Variants in FER1L5 observed in about 807,000 individuals in gnomAD.
FER1L5 encodes fer-1 like family member 5.
FER1L5 carries 187 observed loss-of-function variants against 279.9 expected under a neutral mutation model. The observed-to-expected ratio is 0.67, with a 90% CI of 0.59 to 0.75. FER1L5 has a LOEUF of 0.75. FER1L5 is among the 30% of genes least tolerant of loss of function. The pLI is 0.00. For missense variants in FER1L5, 2,091 were observed against 2,594.4 expected (o/e 0.81, Z 4.21); for synonymous variants, 921 against 989.7 (o/e 0.93, Z 1.30).
chr2:96,652,108 G>A, intron 7 of FER1L5, 88 bp downstream of exon 7: 1 of 1,525,026 alleles, frequency 6.6e-7, no homozygotes, highest in Non-Finnish European at 8.9e-7. Context: ...CCTTGACTAG[G>A]GTGTCTTCAT....
rs957693990 is a variant in FER1L5, at chr2:96,647,144, A to G, written c.219A>G (p.Gln73=). The G allele has an allele frequency of 4.5e-6, 7 of 1,551,446 alleles. No individual in the cohort carries two copies. The Admixed American group carries it at 1.2e-4, about 26-fold the overall frequency. ...LQVTLQDMGS[Q]KKERFIGLAT... is the part of the protein sequence containing the mutation. ...TCACCCTTCAGGACATGGGCTCACA[A>G]AAGAAAGAAAGGTGAGGCAGAGAGA... is the stretch of plus-strand genomic sequence containing the variant. Residue 73 remains glutamine, a synonymous_variant, in exon 3 of 53, where the codon CAA becomes CAG. Coordinates refer to ENST00000624922, the MANE Select transcript of FER1L5 (RefSeq NM_001293083.2).
In FER1L5 at chr2:96,686,011, GCCT is replaced by G. The variant is rs750801790; in HGVS notation, c.1974_1976del (p.Leu659del). On this transcript the variant is annotated inframe_deletion, in exon 22 of 53. Coordinates refer to ENST00000624922, the MANE Select transcript of FER1L5 (RefSeq NM_001293083.2). ...GACAGGAAGAGGTGGCAGCTCCGCA[GCCT>G]CCTCCTGCAGGAACTGGCCCAAAAG... The G allele has an allele frequency of 2.6e-6, 4 of 1,551,524 alleles. No individual in the cohort carries two copies. The highest frequency in any genetic ancestry group is 3.5e-6 in the Non-Finnish European group (4 of 1,146,980).
rs368217243 is a variant in FER1L5 at position 96,686,106 on chromosome 2, G to A, written c.2062G>A (p.Val688Met). Residue 688 changes from valine (V) to methionine (M), a missense_variant, in exon 22 of 53, where the codon GTG becomes ATG. Coordinates refer to ENST00000624922, the MANE Select transcript of FER1L5 (RefSeq NM_001293083.2). ...GGACTGGCTGTACCGCCTCAACACCGTGCTCCCTGAGGTGGGTGCTGCACA... is the reference window on the plus strand; with the variant it reads ...GGACTGGCTGTACCGCCTCAACACCATGCTCCCTGAGGTGGGTGCTGCACA... ...AEDWLYRLNT[V>M]LPEPQMGLPD... is the part of the protein sequence containing the mutation. 14 of 1,550,630 alleles carry A rather than the reference G, an allele frequency of 9.0e-6. No individual in the cohort carries two copies. The highest frequency in any genetic ancestry group is 1.2e-5 in the South Asian group (1 of 83,954).
chr2:96,644,567 G>A (rs1038113911), intron 1 of FER1L5, among the ~76,000 whole-genome samples: 3 of 152,136 alleles, frequency 2.0e-5, no homozygotes, highest in Non-Finnish European at 4.4e-5. Context: ...GGAGATACAG[G>A]ACGGTGGATA....
At chr2:96,659,290 T>TGCCTGCCTGCCTTCC (rs2075732527) in intron 9 of FER1L5, among the ~76,000 whole-genome samples, 11 of 81,030 alleles carry the variant, frequency 1.4e-4, no homozygotes, top group African/African-American at 4.9e-4. Context: ...TTTATCAAGC[T>TGCCTGCCTGCCTTCC]TTCCTTCCTT....
At chr2:96,659,282 TA>T (rs2075728886) in intron 9 of FER1L5, among the ~76,000 whole-genome samples, 1 of 132,512 alleles carries the variant, frequency 7.5e-6, no homozygotes, top group African/African-American at 2.9e-5. Flanking sequence ...AAGTCCAATT[TA>T]TCAAGCTTTC....
At chr2:96,659,713 G>C (rs1358038157) in intron 9 of FER1L5, among the ~76,000 whole-genome samples, 1 of 151,266 alleles carries the variant, frequency 6.6e-6, no homozygotes, top group Admixed American at 6.6e-5. Flanking sequence ...GGATGGTCTC[G>C]ATCTCCTGAC....
intron 9 of FER1L5, among the ~76,000 whole-genome samples, chr2:96,659,323 T>TTCCTTCCTTCCTTCCTTCCGTCCG (rs1558852913): frequency 1.4e-5 from 1 of 70,384 alleles, no homozygotes; most frequent in African/African-American, 5.4e-5. Context: ...CCTTCCTTCC[T>TTCCTTCCTTCCTTCCTTCCGTCCG]TCCTTCCTTC....
chr2:96,660,682 G>C (rs921917618), intron 10 of FER1L5, among the ~76,000 whole-genome samples: 1 of 152,186 alleles, frequency 6.6e-6, no homozygotes, highest in African/African-American at 2.4e-5. Flanking sequence ...AGCCTCCCAA[G>C]TAGCTGGGAT....
At chr2:96,667,039 C>A (rs1322417107) in intron 14 of FER1L5, among the ~76,000 whole-genome samples, 1 of 152,144 alleles carries the variant, frequency 6.6e-6, no homozygotes, top group Non-Finnish European at 1.5e-5. Context: ...GGAATCCTGA[C>A]TCCACCCCTT....
chr2:96,646,974 C>G, intron 2 of FER1L5, 90 bp from the exon 3 acceptor site: 7 of 1,331,812 alleles, frequency 5.3e-6, no homozygotes, highest in Non-Finnish European at 7.3e-6. Context: ...AATGCAGTGC[C>G]AGCCCGTTCC....
chr2:96,661,976 G>A (rs2075971154), intron 12 of FER1L5, among the ~76,000 whole-genome samples, 185 bp downstream of exon 12: 1 of 152,080 alleles, frequency 6.6e-6, no homozygotes, highest in Non-Finnish European at 1.5e-5. Flanking sequence ...CCTTTCAAAC[G>A]GGTCTCACAC....
At chr2:96,701,767 C>G (rs1466640083) in intron 45 of FER1L5, among the ~76,000 whole-genome samples, 188 bp from the exon 46 acceptor site, 1 of 152,218 alleles carries the variant, frequency 6.6e-6, no homozygotes, top group Non-Finnish European at 1.5e-5. Flanking sequence ...GCACTACTCT[C>G]TCAGCCAAAA....
At position 96,685,365 on chromosome 2, in the gene FER1L5, C is replaced by T. The variant is rs1558898754; in HGVS notation, c.1831C>T (p.Pro611Ser). 24 of 1,551,354 alleles carry T rather than the reference C, an allele frequency of 1.5e-5. No individual in the cohort carries two copies. Among genetic ancestry groups the T allele is most frequent in the Non-Finnish European group, 1.7e-5 (20 of 1,146,870 alleles). Residue 611 changes from proline (P) to serine (S), a missense_variant, in exon 21 of 53, where the codon CCG becomes TCG. By Grantham distance (74) the Pro-to-Ser change is moderately conservative. Coordinates refer to ENST00000624922, the MANE Select transcript of FER1L5 (RefSeq NM_001293083.2). The part of the protein sequence containing the change: ...NLDTLKSTRN[P>S]KDPALLYQWE... ...GGACACCCTGAAATCCACGCGGAAT[C>T]CGAAGGATCCAGCTCTCCTCTACCA...
Position 96,704,820 on chromosome 2 carries a change from A to C in FER1L5, c.*128A>C. ...GGAATATTCTGGCTATTGTGTTCAG[A>C]AATCACTTTCAACAAGACGAGCAGA... On this transcript the variant is annotated 3_prime_UTR_variant, in exon 53 of 53. Coordinates refer to ENST00000624922, the MANE Select transcript of FER1L5 (RefSeq NM_001293083.2). 2 of 734,348 alleles carry C rather than the reference A, an allele frequency of 2.7e-6. No homozygotes were observed. The highest frequency in any genetic ancestry group is 1.8e-5 in the South Asian group (1 of 54,442). 45.5% of individuals were successfully genotyped at this position (734,348 alleles called of 1,614,324 possible).
chr2:96,690,948 G>A (rs980852860), intron 27 of FER1L5, among the ~76,000 whole-genome samples: 11 of 152,242 alleles, frequency 7.2e-5, no homozygotes, highest in Non-Finnish European at 1.5e-4. Flanking sequence ...CTTATGGGCT[G>A]TGTGGCCTTG....
rs1483731110 is a variant in FER1L5 at position 96,698,597 on chromosome 2, G to A, written c.4357-74G>A. The A allele has an allele frequency of 8.6e-6, 11 of 1,285,486 alleles. No individual in the cohort carries two copies. The highest frequency in any genetic ancestry group is 5.0e-5 in the East Asian group (2 of 39,724). 79.6% of individuals were successfully genotyped at this position (1,285,486 alleles called of 1,614,324 possible). A position where few individuals can be genotyped will look rare whatever the true frequency, so the allele number is the denominator to read the frequency against. ...CCCTCTCTCTCCTGAACATGGGCTGGGGCACCTCCCAGAGGGCTTTACAGA... is the reference window on the plus strand; with the variant it reads ...CCCTCTCTCTCCTGAACATGGGCTGAGGCACCTCCCAGAGGGCTTTACAGA... On this transcript the variant is annotated intron_variant, in intron 40 of 52. Transcript: ENST00000624922. This position sits in a 1 kb window ranked among gnomAD's most constrained non-coding sequence, Gnocchi z 5.5.
intron 9 of FER1L5, among the ~76,000 whole-genome samples, chr2:96,655,203 T>C (rs1233189694): frequency 6.6e-6 from 1 of 152,098 alleles, no homozygotes; most frequent in Non-Finnish European, 1.5e-5. Flanking sequence ...AGAGAAATAT[T>C]GCTGCCTGTG....
chr2:96,680,105 G>C (rs913713061), intron 19 of FER1L5, among the ~76,000 whole-genome samples: 1 of 151,928 alleles, frequency 6.6e-6, no homozygotes, highest in South Asian at 2.1e-4. Flanking sequence ...CTTCGGTGGC[G>C]GTCACAGTTG....
Sources: allele counts gnomAD v4.1 joint callset (sites outside exome capture counted in the v4.1 genomes callset), GRCh38; gene constraint gnomAD v4.1.1; non-coding constraint Gnocchi (gnomAD v3.1); transcripts MANE v1.5; gene names NCBI Gene and HGNC (gene_info 2026-07-23, HGNC 2026-07-21).